Variants in PFKP observed in about 807,000 individuals in gnomAD.
PFKP encodes the protein phosphofructokinase, platelet.
In PFKP, 101 loss-of-function variants were observed where a neutral mutation model predicts 94.3. The observed-to-expected ratio is 1.07, with a 90% confidence interval of 0.91 to 1.26. The LOEUF (loss-of-function observed/expected upper bound fraction) is 1.26, where lower values mean the gene tolerates loss of function less well. Ranked by LOEUF, PFKP falls within the 50% of genes most tolerant of loss-of-function variation. The pLI, the probability that PFKP is intolerant of heterozygous loss-of-function variation, is 0.00. For missense variants in PFKP, 1,145 were observed against 1,103.3 expected (o/e 1.04, Z -0.53); for synonymous variants, 573 against 432.6 (o/e 1.32, Z -4.03).
At position 3,109,494 on chromosome 10, in the gene PFKP, C is replaced by T; in HGVS notation, c.1089+14C>T. 6.2e-7 allele frequency: 1 copy of T among 1,601,330 alleles called. No individual in the cohort carries two copies. Among genetic ancestry groups the T allele is most frequent in the Non-Finnish European group, 8.5e-7 (1 of 1,179,364 alleles). ...TGCGTGCAGATGGTGAGTGGGCAGCCCATGGCCAAGGGCAGGGCGGAGACG... is the reference window on the plus strand; with the variant it reads ...TGCGTGCAGATGGTGAGTGGGCAGCTCATGGCCAAGGGCAGGGCGGAGACG... On this transcript the variant is annotated intron_variant, in intron 10 of 21. Transcript: ENST00000381125.
intron 1 of PFKP, among the ~76,000 whole-genome samples, chr10:3,076,065 CTA>C (rs200779429): frequency 0.012 from 1,566 of 125,840 alleles, 30 homozygotes; most frequent in African/African-American, 0.043. Flanking sequence ...AAGCAAAAAA[CTA>C]TGTTTTATAT....
In PFKP at chr10:3,107,774, C is replaced by T. The variant is rs553397305; in HGVS notation, c.870+465C>T. The T allele has an allele frequency of 5.1e-4, 604 of 1,194,756 alleles. 4 individuals carry two copies. In the African/African-American group the frequency reaches 9.3e-3, roughly 18 times the overall value. The allele number at this position is 1,194,756 out of a possible 1,614,324, so 74.0% of individuals were successfully genotyped here. A position where few individuals can be genotyped will look rare whatever the true frequency, so the allele number is the denominator to read the frequency against. ...TACAAAGCCACTGTGTCCTCGTGGCCCTGCCTGGGAACAGGCTTTGGCAGG... is the reference window on the plus strand; with the variant it reads ...TACAAAGCCACTGTGTCCTCGTGGCTCTGCCTGGGAACAGGCTTTGGCAGG... On this transcript the variant is annotated intron_variant, in intron 8 of 21. Transcript: ENST00000381125.
chr10:3,133,426 G>C, intron 19 of PFKP, 112 bp downstream of exon 19: 1 of 760,508 alleles, frequency 1.3e-6, no homozygotes, highest in Admixed American at 2.0e-5. Flanking sequence ...ATTCCAAGAT[G>C]ATAAAAAACA....
At chr10:3,093,861 T>G (rs369046176) in intron 2 of PFKP, among the ~76,000 whole-genome samples, 5 of 152,232 alleles carry the variant, frequency 3.3e-5, no homozygotes, top group Admixed American at 2.6e-4. Flanking sequence ...GCCAGGATGG[T>G]CTCCATCTCC....
chr10:3,069,236 C>A, intron 1 of PFKP: 1 of 1,422,718 alleles, frequency 7.0e-7, no homozygotes. Flanking sequence ...CGTTAGCATT[C>A]CAGTAAAAGG....
chr10:3,125,949 G>A (rs924489337), intron 16 of PFKP, among the ~76,000 whole-genome samples: 4 of 152,204 alleles, frequency 2.6e-5, no homozygotes, highest in East Asian at 1.9e-4. Flanking sequence ...GGTCACGTCC[G>A]TGACTTGGCC....
At chr10:3,091,537 G>A (rs192854527) in intron 2 of PFKP, among the ~76,000 whole-genome samples, 4 of 152,220 alleles carry the variant, frequency 2.6e-5, no homozygotes, top group South Asian at 2.1e-4. Flanking sequence ...GATTCTTGCC[G>A]AGCACCGTGG....
chr10:3,132,339 G>GT (rs1265976633), intron 17 of PFKP, 41 bp from the exon 18 acceptor site: 1 of 1,444,202 alleles, frequency 6.9e-7, no homozygotes, highest in Non-Finnish European at 9.7e-7. Context: ...TAGGTACTTA[G>GT]TAGAAGTTTA....
chr10:3,094,924 A>C (rs1834353949), intron 2 of PFKP, among the ~76,000 whole-genome samples: 2 of 152,234 alleles, frequency 1.3e-5, no homozygotes, highest in South Asian at 4.1e-4. Flanking sequence ...CAAAGCCCCT[A>C]CATCTCTGGA....
chr10:3,114,041 A>AGAGATGCCAACT (rs1836539937), intron 13 of PFKP, among the ~76,000 whole-genome samples: 1 of 151,896 alleles, frequency 6.6e-6, no homozygotes, highest in Non-Finnish European at 1.5e-5. Flanking sequence ...ACCGAGGCAT[A>AGAGATGCCAACT]GGGCTGGGTG....
chr10:3,114,102 C>G (rs1325142543), intron 13 of PFKP, among the ~76,000 whole-genome samples: 2 of 151,932 alleles, frequency 1.3e-5, no homozygotes, highest in African/African-American at 4.8e-5. Context: ...AGGGGCTGAA[C>G]TTGTGGCTAT....
chr10:3,126,793 C>T (rs952635253), intron 16 of PFKP, among the ~76,000 whole-genome samples: 3 of 152,266 alleles, frequency 2.0e-5, no homozygotes, highest in Non-Finnish European at 4.4e-5. Context: ...GAACTGTAGC[C>T]TGGGGCTCTC....
intron 2 of PFKP, among the ~76,000 whole-genome samples, chr10:3,090,713 C>T (rs947626510): frequency 6.6e-6 from 1 of 152,140 alleles, no homozygotes; most frequent in Non-Finnish European, 1.5e-5. Context: ...ATAGTCATGA[C>T]AGTCAAAGAT....
intron 11 of PFKP, 137 bp from the exon 12 acceptor site, chr10:3,112,982 C>T: frequency 2.6e-6 from 2 of 759,272 alleles, no homozygotes; most frequent in East Asian, 2.7e-5. Context: ...CACATGGAAC[C>T]CTGGGGCCTC....
chr10:3,068,216 G>A (rs1236318561), intron 1 of PFKP, among the ~76,000 whole-genome samples: 4 of 152,012 alleles, frequency 2.6e-5, no homozygotes, highest in African/African-American at 7.2e-5. Flanking sequence ...CTAGAATGTC[G>A]AGGAAGAAAC....
At chr10:3,125,769 C>T (rs992865677) in intron 16 of PFKP, among the ~76,000 whole-genome samples, 14 of 152,204 alleles carry the variant, frequency 9.2e-5, no homozygotes, top group Non-Finnish European at 1.9e-4. Flanking sequence ...TTCTGCCAGT[C>T]GTGGGTGTGG....
chr10:3,084,224 C>T (rs1278777181), intron 2 of PFKP, among the ~76,000 whole-genome samples: 1 of 152,204 alleles, frequency 6.6e-6, no homozygotes, highest in Non-Finnish European at 1.5e-5. Context: ...TGAAACCTGT[C>T]CAGCCTCGTC....
intron 18 of PFKP, 38 bp downstream of exon 18, chr10:3,132,479 C>T (rs373652724): frequency 1.0e-4 from 141 of 1,389,774 alleles, no homozygotes; most frequent in African/African-American, 2.8e-4. Context: ...TTACCCTCAC[C>T]GCCACACCCT....
chr10:3,116,701 A>G, intron 13 of PFKP, 75 bp from the exon 14 acceptor site: 1 of 1,096,380 alleles, frequency 9.1e-7, no homozygotes. Flanking sequence ...AAAAGTACAG[A>G]AAGCTATTTT....
Sources: allele counts gnomAD v4.1 joint callset (sites outside exome capture counted in the v4.1 genomes callset), GRCh38; gene constraint gnomAD v4.1.1; transcripts MANE v1.5; gene names NCBI Gene and HGNC (gene_info 2026-07-23, HGNC 2026-07-21).